Variants in SCARB1 observed in about 807,000 individuals in gnomAD.
The protein encoded by SCARB1 is CD36 and LIMPII analogous 1.
A neutral mutation model predicts 57.2 loss-of-function variants in SCARB1; 30 were observed. The observed-to-expected ratio is 0.52, with a 90% CI of 0.39 to 0.71. The LOEUF (loss-of-function observed/expected upper bound fraction) is 0.71. Ranked by LOEUF, SCARB1 falls within the 30% of genes least tolerant of loss-of-function variation. The pLI is 0.00. For synonymous variants in SCARB1, 249 were observed against 268.3 expected (o/e 0.93, Z 0.70); for missense variants, 543 against 671.2 (o/e 0.81, Z 2.11).
chr12:124,844,401 C>G (rs1247318656), intron 1 of SCARB1, among the ~76,000 whole-genome samples: 2 of 152,164 alleles, frequency 1.3e-5, no homozygotes, highest in Non-Finnish European at 2.9e-5. Context: ...CTCACTGAAT[C>G]CTATAGGAAG....
rs934408660 is a variant in SCARB1 at position 124,796,056 on chromosome 12, C to G, written c.1129-788G>C. 1.3e-5 allele frequency among the ~76,000 whole-genome samples: 2 copies of G among 152,206 alleles called. No individual in the cohort carries two copies. Among genetic ancestry groups the G allele is most frequent in the Non-Finnish European group, 2.9e-5 (2 of 68,042 alleles). On this transcript the variant is annotated intron_variant, in intron 8 of 12. Coordinates refer to ENST00000261693, the MANE Select transcript of SCARB1 (RefSeq NM_005505.5). This position sits in a 1 kb window ranked among gnomAD's most constrained non-coding sequence, Gnocchi z 4.0. The stretch of plus-strand genomic sequence containing the variant: ...GCAACCTCTGCCTCCTGAGTTCAAG[C>G]GATTGTCCTGCCTCAGCCTCCCCAG...
At chr12:124,820,153 C>T (rs1012325268) in intron 1 of SCARB1, among the ~76,000 whole-genome samples, 3 of 152,132 alleles carry the variant, frequency 2.0e-5, no homozygotes, top group Admixed American at 1.3e-4. Flanking sequence ...TAGGTGCAAA[C>T]GAAGGCGCAT....
chr12:124,822,505 G>A lies in SCARB1; in HGVS notation c.127-4798C>T, dbSNP rs938940467. Among the ~76,000 whole-genome samples, 7 of 152,188 alleles carry A rather than the reference G, an allele frequency of 4.6e-5. No individual in the cohort carries two copies. The highest frequency in any genetic ancestry group is 1.4e-4 in the African/African-American group (6 of 41,450). On this transcript the variant is annotated intron_variant, in intron 1 of 12. Transcript: ENST00000261693. The surrounding 1 kb of genome is among the most constrained non-coding windows in gnomAD (Gnocchi z 5.0). ...GCCAGACCAGTGGCTGCCGGGGACC[G>A]GGATGGAGGGAGGGGACTAACGTGA...
chr12:124,820,365 G>C (rs970802550), intron 1 of SCARB1, among the ~76,000 whole-genome samples: 4 of 152,156 alleles, frequency 2.6e-5, no homozygotes, highest in Admixed American at 2.6e-4. Context: ...AATAGTTGGA[G>C]GGCACTGAGG....
At chr12:124,824,190 A>AG (rs58651445) in intron 1 of SCARB1, among the ~76,000 whole-genome samples, 20,313 of 149,426 alleles carry the variant, frequency 0.14, 1,460 homozygotes, top group Middle Eastern at 0.17. Flanking sequence ...AAAAAAAAAA[A>AG]AGAGAAAGAA....
At position 124,786,640 on chromosome 12, in the gene SCARB1, A is replaced by C. The variant is rs528442603; in HGVS notation, c.1255-137T>G. ...GCTTCCCGGCTAAAGCATGTGTTGGAGCCTGCCAGGGACCTCCTCCCTCCA... is the reference window on the plus strand; with the variant it reads ...GCTTCCCGGCTAAAGCATGTGTTGGCGCCTGCCAGGGACCTCCTCCCTCCA... On this transcript the variant is annotated intron_variant, in intron 10 of 12. Coordinates refer to ENST00000261693, the MANE Select transcript of SCARB1 (RefSeq NM_005505.5). The C allele has an allele frequency of 2.6e-3, 3,844 of 1,506,228 alleles. 8 individuals carry two copies. The highest frequency in any genetic ancestry group is 2.7e-3 in the Non-Finnish European group (3,034 of 1,125,080). The allele number at this position is 1,506,228 out of a possible 1,614,324, so 93.3% of individuals were successfully genotyped here. A position where few individuals can be genotyped will look rare whatever the true frequency, so the allele number is the denominator to read the frequency against.
intron 4 of SCARB1, among the ~76,000 whole-genome samples, chr12:124,813,246 G>A (rs1164084013): frequency 6.6e-6 from 1 of 152,170 alleles, no homozygotes; most frequent in Non-Finnish European, 1.5e-5. Flanking sequence ...GGAACACGCT[G>A]TTTTACCCCC....
chr12:124,801,453 G>A (rs1482240061), intron 7 of SCARB1, among the ~76,000 whole-genome samples: 1 of 152,130 alleles, frequency 6.6e-6, no homozygotes, highest in African/African-American at 2.4e-5. Context: ...CAAGAATTTT[G>A]CCTCAGTAAG....
At chr12:124,788,042 G>A (rs1305447445) in intron 9 of SCARB1, among the ~76,000 whole-genome samples, 1 of 152,104 alleles carries the variant, frequency 6.6e-6, no homozygotes, top group Non-Finnish European at 1.5e-5. Context: ...AAGAAGCATA[G>A]TATATGCTAT....
intron 1 of SCARB1, among the ~76,000 whole-genome samples, chr12:124,854,280 C>G (rs960116083): frequency 1.3e-5 from 2 of 152,240 alleles, no homozygotes; most frequent in Non-Finnish European, 2.9e-5. Context: ...AGAGCTAAGG[C>G]GATTGGGCCC....
chr12:124,806,178 G>A lies in SCARB1; in HGVS notation c.1009+1583C>T, dbSNP rs1192723945. Among the ~76,000 whole-genome samples the A allele has an allele frequency of 3.9e-5, 6 of 152,184 alleles. No individual in the cohort carries two copies. In the East Asian group the frequency reaches 5.8e-4, roughly 15 times the overall value. ...AAAGGGCTGGATCACCAGGAAGGAC[G>A]TGTCCGTGGCCTGGACAATGAGGCG... is the stretch of plus-strand genomic sequence containing the variant. On this transcript the variant is annotated intron_variant, in intron 7 of 12. Transcript: ENST00000261693.
At chr12:124,803,472 G>A (rs926403524) in intron 7 of SCARB1, among the ~76,000 whole-genome samples, 1 of 152,010 alleles carries the variant, frequency 6.6e-6, no homozygotes, top group African/African-American at 2.4e-5. Context: ...TCAGGAGGCT[G>A]GGGTAAGAGG....
intron 12 of SCARB1, among the ~76,000 whole-genome samples, chr12:124,781,531 C>T (rs1046641107): frequency 2.0e-5 from 3 of 152,198 alleles, no homozygotes; most frequent in South Asian, 2.1e-4. Flanking sequence ...TCCCCCATGA[C>T]CTCAGCCCTA....
chr12:124,836,439 AG>A (rs1466228250), intron 1 of SCARB1, among the ~76,000 whole-genome samples: 3 of 152,178 alleles, frequency 2.0e-5, no homozygotes, highest in African/African-American at 7.2e-5. Context: ...ACTGGAGGCA[AG>A]TTTTATGTTG....
chr12:124,845,585 G>C (rs886758777), intron 1 of SCARB1, among the ~76,000 whole-genome samples: 1 of 149,970 alleles, frequency 6.7e-6, no homozygotes, highest in African/African-American at 2.5e-5. Context: ...GGCGCCTGTA[G>C]TCCCAGCTAC....
At chr12:124,854,399 C>T (rs1190400811) in intron 1 of SCARB1, among the ~76,000 whole-genome samples, 4 of 152,178 alleles carry the variant, frequency 2.6e-5, no homozygotes, top group Admixed American at 2.0e-4. Flanking sequence ...CAGGTTAGGA[C>T]CTGGCTGTGA....
At position 124,863,604 on chromosome 12, in the gene SCARB1, C is replaced by T. The variant is rs754867100; in HGVS notation, c.117G>A (p.Gln39=). The T allele has an allele frequency of 1.0e-5, 16 of 1,602,922 alleles. No homozygotes were observed. The highest frequency in any genetic ancestry group is 1.4e-5 in the Non-Finnish European group (16 of 1,174,966). The change falls in exon 1 of 13, where the codon CAG becomes CAA. Residue 39 remains glutamine, a synonymous_variant. Transcript: ENST00000261693. ...GGTCTCCCTCACCCACCTTAAGGAC[C>T]TGCTGCTTGATGAGCGACGGCACCA... ...IVMVPSLIKQ[Q]VLKNVRIDPS...
At chr12:124,827,252 C>A (rs1951197373) in intron 1 of SCARB1, among the ~76,000 whole-genome samples, 1 of 152,196 alleles carries the variant, frequency 6.6e-6, no homozygotes, top group African/African-American at 2.4e-5. Context: ...GGGCTTACAA[C>A]TCTAAGGGGT....
At chr12:124,846,165 T>C (rs141044068) in intron 1 of SCARB1, among the ~76,000 whole-genome samples, 55 of 152,264 alleles carry the variant, frequency 3.6e-4, no homozygotes, top group South Asian at 8.3e-4. Flanking sequence ...TGAAACTAGG[T>C]AGAAGTGGTG....
Sources: allele counts gnomAD v4.1 joint callset (sites outside exome capture counted in the v4.1 genomes callset), GRCh38; gene constraint gnomAD v4.1.1; non-coding constraint Gnocchi (gnomAD v3.1); transcripts MANE v1.5; gene names NCBI Gene and HGNC (gene_info 2026-07-23, HGNC 2026-07-21).